Variants in ANKS6 observed in about 807,000 individuals in gnomAD.
ANKS6 encodes the protein ankyrin repeat and SAM domain-containing protein 6.
In ANKS6, 47 loss-of-function variants were observed where a neutral mutation model predicts 77.9. The ratio of observed to expected loss-of-function variants is 0.60; its 90% CI spans 0.48 to 0.77. The LOEUF (loss-of-function observed/expected upper bound fraction) is 0.77, where lower values mean the gene tolerates loss of function less well. Among genes scored for constraint, ANKS6 ranks in the 30% least tolerant of loss-of-function variants. The pLI is 0.00. For synonymous variants in ANKS6, 488 were observed against 501.7 expected, an observed-to-expected ratio of 0.97 and a Z score of 0.37; for missense variants, 1,150 against 1,159.1, an observed-to-expected ratio of 0.99 and a Z score of 0.11.
Position 98,736,538 on chromosome 9 carries a change from C to G in ANKS6, c.2597G>C (p.Gly866Ala). 2 of 1,612,232 alleles carry G rather than the reference C, an allele frequency of 1.2e-6. No individual in the cohort carries two copies. The highest frequency in any genetic ancestry group is 1.7e-6 in the Non-Finnish European group (2 of 1,178,826). ...GGAGGATCACGCACAGGGGCTGTTGCCAGGGGCCCTGGTGTTGCTGGCACT... is the reference window on the plus strand; with the variant it reads ...GGAGGATCACGCACAGGGGCTGTTGGCAGGGGCCCTGGTGTTGCTGGCACT... ...ESSASNTRAP[G>A]NSPCA The change falls in exon 15 of 15, where the codon GGC (glycine) becomes GCC (alanine). Residue 866 changes from glycine (G) to alanine (A), a missense_variant. Gly to Ala is a moderately conservative substitution (Grantham distance 60, BLOSUM62 0). Transcript: ENST00000353234.
rs754232975 is a variant in ANKS6, at chr9:98,778,294, C to T, written c.1499G>A (p.Arg500Lys). 1 of 1,614,180 alleles carries T rather than the reference C, an allele frequency of 6.2e-7. No homozygotes were observed. Among genetic ancestry groups the T allele is most frequent in the Non-Finnish European group, 8.5e-7 (1 of 1,180,032 alleles). ...GCTTGTCTTGTCCTGGGGGGCAGCC[C>T]TCATTGTGGAGTCCAGAGCTGGCTC... ...EPEPALDSTMRAAPQDKTSRS... is the reference protein window; with the variant it reads ...EPEPALDSTMKAAPQDKTSRS... Residue 500 changes from arginine (R) to lysine (K), a missense_variant, in exon 7 of 15, where the codon AGG becomes AAG. Coordinates refer to ENST00000353234, the MANE Select transcript of ANKS6 (RefSeq NM_173551.5).
In ANKS6 at chr9:98,764,361, T is replaced by C. The variant is rs997773055; in HGVS notation, c.2142+3720A>G. 2.6e-5 allele frequency among the ~76,000 whole-genome samples: 4 copies of C among 152,340 alleles called. No individual in the cohort carries two copies. In the Middle Eastern group the frequency reaches 0.014, roughly 518 times the overall value. ...TTACCCTATTGAGCATTCTGTGAAC[T>C]TCCTGGATCTGTGGTTTGGCATCTG... On this transcript the variant is annotated intron_variant, in intron 11 of 14. Coordinates refer to ENST00000353234, the MANE Select transcript of ANKS6 (RefSeq NM_173551.5).
At chr9:98,786,577 AC>A (rs1190708913) in intron 2 of ANKS6, among the ~76,000 whole-genome samples, 2 of 152,296 alleles carry the variant, frequency 1.3e-5, no homozygotes, top group African/African-American at 4.8e-5. Flanking sequence ...GGCGTGAGCC[AC>A]CACACCTGGC....
At position 98,762,769 on chromosome 9, in the gene ANKS6, G is replaced by A. The variant is rs188648675; in HGVS notation, c.2142+5312C>T. On this transcript the variant is annotated intron_variant, in intron 11 of 14. Coordinates refer to ENST00000353234, the MANE Select transcript of ANKS6 (RefSeq NM_173551.5). ...TATTATACTTTGTATTTAATCATGG[G>A]ATTAGATTTGCTCATATTTTGTGAA... 6.6e-3 allele frequency among the ~76,000 whole-genome samples: 1,002 copies of A among 152,136 alleles called. 8 individuals carry two copies. Among genetic ancestry groups the A allele is most frequent in the Non-Finnish European group, 0.011 (751 of 67,942 alleles).
At chr9:98,795,787 A>AG (rs1364409725) in intron 1 of ANKS6, among the ~76,000 whole-genome samples, 1 of 152,192 alleles carries the variant, frequency 6.6e-6, no homozygotes, top group Non-Finnish European at 1.5e-5. Flanking sequence ...TGGGTCTCGC[A>AG]GCACCCTCAA....
chr9:98,773,477 A>G (rs1029185836), intron 9 of ANKS6, among the ~76,000 whole-genome samples: 3 of 152,216 alleles, frequency 2.0e-5, no homozygotes, highest in Non-Finnish European at 4.4e-5. Context: ...AGAAAACACC[A>G]GTAGCACACA....
intron 13 of ANKS6, among the ~76,000 whole-genome samples, chr9:98,750,368 T>C (rs1240730466): frequency 1.3e-5 from 2 of 152,270 alleles, no homozygotes. Flanking sequence ...ATTCTTTTCA[T>C]GGCCAAATAA....
At chr9:98,772,951 G>C (rs191329488) in intron 9 of ANKS6, among the ~76,000 whole-genome samples, 1 of 152,270 alleles carries the variant, frequency 6.6e-6, no homozygotes, top group Non-Finnish European at 1.5e-5. Context: ...GGGCTGACTG[G>C]GCTACATGGC....
chr9:98,777,516 G>A, intron 7 of ANKS6, 62 bp from the exon 8 acceptor site: 2 of 1,533,760 alleles, frequency 1.3e-6, no homozygotes, highest in Non-Finnish European at 1.8e-6. Flanking sequence ...ATAAGGATGA[G>A]TGACTGGGGC....
At chr9:98,743,465 T>C (rs1831949908) in intron 14 of ANKS6, among the ~76,000 whole-genome samples, 1 of 152,218 alleles carries the variant, frequency 6.6e-6, no homozygotes, top group Non-Finnish European at 1.5e-5. Flanking sequence ...CCTTTGCACA[T>C]GTGCTTCCCT....
chr9:98,766,594 C>T (rs545244898), intron 11 of ANKS6, among the ~76,000 whole-genome samples: 15 of 152,012 alleles, frequency 9.9e-5, no homozygotes, highest in African/African-American at 2.9e-4. Flanking sequence ...TCATATAGGA[C>T]GTATTACACA....
At chr9:98,777,524 G>T (rs1588393605) in intron 7 of ANKS6, 70 bp from the exon 8 acceptor site, 6 of 1,491,594 alleles carry the variant, frequency 4.0e-6, no homozygotes, top group South Asian at 1.2e-5. Context: ...GAGTGACTGG[G>T]GCAGGCTTCA....
intron 11 of ANKS6, among the ~76,000 whole-genome samples, chr9:98,756,865 C>G (rs1250056385): frequency 1.3e-5 from 2 of 151,612 alleles, no homozygotes; most frequent in Non-Finnish European, 2.9e-5. Flanking sequence ...CTCCCCACCC[C>G]GCCCCGCTCC....
At chr9:98,736,645 GAC>G in intron 14 of ANKS6, 22 bp from the exon 15 acceptor site, 1 of 1,581,804 alleles carries the variant, frequency 6.3e-7, no homozygotes, top group Non-Finnish European at 8.6e-7. Context: ...ATTGAAAACA[GAC>G]ACAGAAAGTC....
intron 8 of ANKS6, among the ~76,000 whole-genome samples, chr9:98,774,726 T>C (rs1833833223): frequency 6.6e-6 from 1 of 152,212 alleles, no homozygotes; most frequent in South Asian, 2.1e-4. Flanking sequence ...ATTTTTAATT[T>C]TGAAAATGTG....
intron 14 of ANKS6, among the ~76,000 whole-genome samples, chr9:98,743,513 G>A (rs533873482): frequency 1.3e-5 from 2 of 152,276 alleles, no homozygotes; most frequent in African/African-American, 4.8e-5. Context: ...CCTCTAACCA[G>A]TGGTTTCCAC....
At chr9:98,787,132 T>G (rs1834615803) in intron 2 of ANKS6, among the ~76,000 whole-genome samples, 1 of 152,126 alleles carries the variant, frequency 6.6e-6, no homozygotes, top group Admixed American at 6.5e-5. Context: ...GGGGCTGGAT[T>G]TCCGGGAACT....
intron 11 of ANKS6, among the ~76,000 whole-genome samples, 153 bp downstream of exon 11, chr9:98,767,928 G>A (rs1833389236): frequency 6.6e-6 from 1 of 152,218 alleles, no homozygotes; most frequent in Admixed American, 6.5e-5. Flanking sequence ...GACCATTTCA[G>A]CCCTTCTCAT....
In ANKS6 at chr9:98,732,212, G is replaced by C. The variant is rs1420103530; in HGVS notation, c.*4307C>G. The C allele has an allele frequency of 2.8e-5, 13 of 463,586 alleles. No homozygotes were observed. The allele number at this position is 463,586 out of a possible 1,614,324, so 28.7% of individuals were successfully genotyped here. ...CCCAGGAAGGGTCCCGGGCTCTTCA[G>C]GAGGCATTTACTTGGAAGTACAGGT... On this transcript the variant is annotated 3_prime_UTR_variant, in exon 15 of 15. Coordinates refer to ENST00000353234, the MANE Select transcript of ANKS6 (RefSeq NM_173551.5).
Sources: gnomAD v4.1 joint callset for allele counts (sites outside exome capture counted in the v4.1 genomes callset) on GRCh38, gnomAD v4.1.1 for gene constraint, MANE v1.5 for transcripts, NCBI Gene and HGNC (gene_info 2026-07-23, HGNC 2026-07-21) for gene names.